Variants in EDA observed in about 807,000 individuals in gnomAD.
EDA encodes ectodysplasin A.
A neutral mutation model predicts 23.6 loss-of-function variants in EDA; 2 were observed. That is an observed-to-expected ratio of 0.08 (90% CI 0.03 to 0.27). The LOEUF (loss-of-function observed/expected upper bound fraction) is 0.27. Among genes scored for constraint, EDA ranks in the 10% least tolerant of loss-of-function variants. The pLI is 1.00. For missense variants in EDA, 229 were observed against 324.2 expected (o/e 0.71, Z 2.26); for synonymous variants, 131 against 132.0 (o/e 0.99, Z 0.05).
intron 2 of EDA, among the ~76,000 whole-genome samples, chrX:70,005,833 T>C (rs1033765521): frequency 1.8e-5 from 2 of 111,803 alleles, no homozygotes; most frequent in Admixed American, 9.6e-5. Context: ...ACAGTTTTTG[T>C]ATACAGGAAT....
intron 2 of EDA, among the ~76,000 whole-genome samples, chrX:69,969,433 T>G (rs754650161): frequency 8.9e-6 from 1 of 112,484 alleles, no homozygotes; most frequent in South Asian, 3.7e-4. Flanking sequence ...GTATTTCATC[T>G]CTTTAAAAAA....
At chrX:69,801,590 A>AC (rs1249419437) in intron 1 of EDA, among the ~76,000 whole-genome samples, 25 of 111,683 alleles carry the variant, frequency 2.2e-4, no homozygotes, top group African/African-American at 8.1e-4. Context: ...AAATCCAAAA[A>AC]CCAGAAGATA....
At chrX:69,702,794 C>T (rs1020089158) in intron 1 of EDA, among the ~76,000 whole-genome samples, 2 of 111,109 alleles carry the variant, frequency 1.8e-5, no homozygotes, top group African/African-American at 3.3e-5. Flanking sequence ...TTTTTCCAGC[C>T]GTCAGCAATA....
chrX:69,844,955 A>C (rs1184487575), intron 1 of EDA, among the ~76,000 whole-genome samples: 28 of 112,103 alleles, frequency 2.5e-4, no homozygotes, highest in African/African-American at 8.1e-4. Context: ...TGTGTAGTTA[A>C]AGTCTTGATG....
At chrX:69,909,295 T>G (rs770996623) in intron 1 of EDA, among the ~76,000 whole-genome samples, 17 of 111,882 alleles carry the variant, frequency 1.5e-4, no homozygotes, top group East Asian at 5.6e-4. Context: ...TTGGTTGGTT[T>G]GTTTTGTTTT....
At chrX:69,787,387 C>T (rs1199339396) in intron 1 of EDA, among the ~76,000 whole-genome samples, 12 of 104,430 alleles carry the variant, frequency 1.1e-4, no homozygotes, top group Non-Finnish European at 2.0e-4. Context: ...TTCCTAGTCT[C>T]GATGGTCTTT....
intron 1 of EDA, among the ~76,000 whole-genome samples, chrX:69,830,130 A>G (rs1569347620): frequency 9.0e-6 from 1 of 110,900 alleles, no homozygotes; most frequent in Non-Finnish European, 1.9e-5. Context: ...CTTCTTCCCC[A>G]TGCATTTTTT....
At chrX:69,797,383 C>T (rs907967975) in intron 1 of EDA, among the ~76,000 whole-genome samples, 5 of 111,101 alleles carry the variant, frequency 4.5e-5, no homozygotes, top group Admixed American at 1.9e-4. Context: ...AAGGGAGTCG[C>T]CATCAGACTA....
chrX:69,831,271 C>T (rs1391927231), intron 1 of EDA, among the ~76,000 whole-genome samples: 2 of 111,567 alleles, frequency 1.8e-5, no homozygotes, highest in African/African-American at 6.5e-5. Context: ...GTGATCTTCT[C>T]GTTCAGTCCC....
At chrX:69,667,617 CCTT>C (rs1602269822) in intron 1 of EDA, among the ~76,000 whole-genome samples, 2 of 111,235 alleles carry the variant, frequency 1.8e-5, no homozygotes, top group South Asian at 3.7e-4. Context: ...TGATTTCTTT[CCTT>C]CTTCTAATTT....
intron 1 of EDA, among the ~76,000 whole-genome samples, chrX:69,786,554 T>G (rs1484950165): frequency 9.0e-6 from 1 of 110,740 alleles, no homozygotes; most frequent in Admixed American, 9.6e-5. Context: ...ATGTACCCAG[T>G]AGTCATTCAG....
chrX:69,775,819 A>G (rs1200886044), intron 1 of EDA, among the ~76,000 whole-genome samples: 9 of 112,098 alleles, frequency 8.0e-5, no homozygotes, highest in Non-Finnish European at 1.7e-4. Context: ...TTTGGTTTTG[A>G]TGCATAGTAT....
chrX:69,983,174 T>C (rs2019440550), intron 2 of EDA, among the ~76,000 whole-genome samples: 1 of 54,998 alleles, frequency 1.8e-5, no homozygotes, highest in Non-Finnish European at 3.1e-5. Context: ...ATGAGTTTCC[T>C]GAATACAGCA....
At chrX:69,624,334 C>A (rs777695936) in intron 1 of EDA, among the ~76,000 whole-genome samples, 1 of 111,585 alleles carries the variant, frequency 9.0e-6, no homozygotes, top group African/African-American at 3.2e-5. Flanking sequence ...AACATACTGG[C>A]CATAATTATT....
At chrX:69,978,318 TAAAAAAAAAA>T (rs144187734) in intron 2 of EDA, among the ~76,000 whole-genome samples, 19 of 20,423 alleles carry the variant, frequency 9.3e-4, no homozygotes, top group South Asian at 2.8e-3. Flanking sequence ...ACTCCATCTC[TAAAAAAAAAA>T]AAAAAAAAAA....
chrX:69,980,752 CT>C (rs1200759932), intron 2 of EDA, among the ~76,000 whole-genome samples: 2 of 112,405 alleles, frequency 1.8e-5, no homozygotes, highest in African/African-American at 6.5e-5. Flanking sequence ...CTCCCATCAT[CT>C]CTGCACATGA....
intron 1 of EDA, among the ~76,000 whole-genome samples, chrX:69,941,344 G>T (rs920669355): frequency 7.2e-5 from 8 of 111,652 alleles, no homozygotes; most frequent in African/African-American, 2.6e-4. Context: ...TCTGGATGAT[G>T]TATCCAATGC....
At chrX:69,631,007 C>G (rs1303021680) in intron 1 of EDA, among the ~76,000 whole-genome samples, 1 of 111,269 alleles carries the variant, frequency 9.0e-6, no homozygotes, top group Non-Finnish European at 1.9e-5. Context: ...GTTTACTTAT[C>G]TGCAAAATGT....
In EDA at chrX:69,747,390, G is replaced by A. The variant is rs143550022; in HGVS notation, c.396+130686G>A. Among the ~76,000 whole-genome samples, 384 of 112,750 alleles carry A rather than the reference G, an allele frequency of 3.4e-3. 1 individual carries two copies. Among genetic ancestry groups the A allele is most frequent in the African/African-American group, 0.012 (368 of 31,079 alleles). On this transcript the variant is annotated intron_variant, in intron 1 of 7. Transcript: ENST00000374552. ...TTTCTTAGGAACCAAGGGAAAGTAT[G>A]AGCAGTGTGAAATATTGGCAGAGGC...
Sources: allele counts gnomAD v4.1 joint callset (sites outside exome capture counted in the v4.1 genomes callset), GRCh38; gene constraint gnomAD v4.1.1; transcripts MANE v1.5; gene names NCBI Gene and HGNC (gene_info 2026-07-23, HGNC 2026-07-21).